Variants in BPI observed in about 807,000 individuals in gnomAD.
BPI encodes bactericidal permeability-increasing protein.
A neutral mutation model predicts 57.6 loss-of-function variants in BPI; 48 were observed. That is an observed-to-expected ratio of 0.83 (90% confidence interval 0.66 to 1.06). The LOEUF (loss-of-function observed/expected upper bound fraction) is 1.06, where lower values mean the gene tolerates loss of function less well. Ranked by LOEUF, BPI falls within the 50% of genes least tolerant of loss-of-function variation. The probability of loss-of-function intolerance (pLI) is 0.00; values close to 1 mark genes in which losing one functional copy is unlikely to be tolerated. For missense variants in BPI, 651 were observed against 609.7 expected (o/e 1.07, Z -0.71); for synonymous variants, 237 against 238.2 (o/e 0.99, Z 0.05).
chr20:38,317,760 A>T, intron 5 of BPI: 1 of 1,298,588 alleles, frequency 7.7e-7, no homozygotes, highest in Non-Finnish European at 1.1e-6. Context: ...GTTCCGTTTT[A>T]CAGATGAAGA....
chr20:38,307,478 C>G, intron 1 of BPI, 89 bp from the exon 2 acceptor site: 1 of 917,548 alleles, frequency 1.1e-6, no homozygotes, highest in African/African-American at 1.7e-5. Flanking sequence ...ATGCTACGAA[C>G]AGGGGCCCAG....
At chr20:38,336,275 G>A (rs942141438) in intron 14 of BPI, among the ~76,000 whole-genome samples, 1 of 151,832 alleles carries the variant, frequency 6.6e-6, no homozygotes, top group Non-Finnish European at 1.5e-5. Flanking sequence ...CCCCTCCCCA[G>A]GCCTCTTCTC....
At chr20:38,308,797 G>A in intron 2 of BPI, 133 bp from the exon 3 acceptor site, 27 of 1,226,326 alleles carry the variant, frequency 2.2e-5, no homozygotes, top group Non-Finnish European at 3.1e-5. Context: ...TCTTAGCTTT[G>A]GGCTCCTCCT....
chr20:38,317,464 G>C (rs2076657567), intron 5 of BPI, among the ~76,000 whole-genome samples: 3 of 152,190 alleles, frequency 2.0e-5, no homozygotes, highest in Non-Finnish European at 4.4e-5. Flanking sequence ...GCCTGGGCTA[G>C]GAAGACTTGA....
At chr20:38,326,013 G>A (rs1182583494) in intron 9 of BPI, among the ~76,000 whole-genome samples, 1 of 152,172 alleles carries the variant, frequency 6.6e-6, no homozygotes, top group Non-Finnish European at 1.5e-5. Flanking sequence ...AAGGATTTTA[G>A]ATGGCAAGAG....
At chr20:38,336,904 G>C (rs1016644038) in intron 14 of BPI, among the ~76,000 whole-genome samples, 2 of 152,100 alleles carry the variant, frequency 1.3e-5, no homozygotes, top group African/African-American at 4.8e-5. Context: ...AAAACAGCCC[G>C]GGGGGTCTCC....
At chr20:38,317,971 A>G in intron 5 of BPI, 1 of 985,370 alleles carries the variant, frequency 1.0e-6, no homozygotes, top group Non-Finnish European at 1.2e-6. Flanking sequence ...ACCTAGACTT[A>G]AGCAGAAACA....
intron 1 of BPI, among the ~76,000 whole-genome samples, chr20:38,305,460 C>A (rs953795740): frequency 6.6e-6 from 1 of 152,206 alleles, no homozygotes; most frequent in African/African-American, 2.4e-5. Flanking sequence ...GGCTCACATT[C>A]TCCATGGCTC....
At chr20:38,316,077 A>G (rs916205858) in intron 5 of BPI, among the ~76,000 whole-genome samples, 3 of 151,596 alleles carry the variant, frequency 2.0e-5, no homozygotes, top group Non-Finnish European at 4.4e-5. Flanking sequence ...CAAGTGATCC[A>G]CCCACCTCGG....
At chr20:38,334,588 A>C (rs540141617) in intron 13 of BPI, 95 bp downstream of exon 13, 2 of 1,243,872 alleles carry the variant, frequency 1.6e-6, no homozygotes, top group Non-Finnish European at 2.4e-6. Context: ...CCCAGGTATG[A>C]GGGCTGGGCA....
intron 1 of BPI, 56 bp from the exon 2 acceptor site, chr20:38,307,509 CCT>C: frequency 7.6e-7 from 1 of 1,323,296 alleles, no homozygotes; most frequent in Non-Finnish European, 1.0e-6. Flanking sequence ...CTGCCCTGCC[CCT>C]CTGTCCCCTG....
At chr20:38,327,100 G>A (rs144285036) in intron 10 of BPI, among the ~76,000 whole-genome samples, 1 of 152,322 alleles carries the variant, frequency 6.6e-6, no homozygotes, top group African/African-American at 2.4e-5. Context: ...CACTGAGGGT[G>A]TGGTTCAGAC....
At chr20:38,310,733 T>A in intron 4 of BPI, 81 bp downstream of exon 4, 1 of 1,528,982 alleles carries the variant, frequency 6.5e-7, no homozygotes, top group Non-Finnish European at 8.9e-7. Context: ...CGAAAACACA[T>A]CCAGAGTGCC....
At position 38,324,048 on chromosome 20, in the gene BPI, T is replaced by G. The variant is rs1210990266; in HGVS notation, c.933+2T>G. The G allele has an allele frequency of 1.2e-6, 2 of 1,613,420 alleles. No individual in the cohort carries two copies. Among genetic ancestry groups the G allele is most frequent in the Admixed American group, 3.3e-5 (2 of 59,994 alleles). ...AAGATGACCCTTAGAGATGACATGG[T>G]AAGGCCGGGCTCTGGGTGGGTGTGG... On this transcript the variant is annotated splice_donor_variant, in intron 8 of 14. Coordinates refer to ENST00000642449, the MANE Select transcript of BPI (RefSeq NM_001725.3). LOFTEE classifies it high-confidence loss of function.
Position 38,304,274 on chromosome 20 carries a change from G to T in BPI, c.51G>T (p.Leu17=), listed in dbSNP as rs1341024. Residue 17 remains leucine, a synonymous_variant, in exon 1 of 15, where the codon CTG becomes CTT. Coordinates refer to ENST00000642449, the MANE Select transcript of BPI (RefSeq NM_001725.3). ...CGAGATGGGCGTCCCTGATGGTGCTGGTCGCCATAGGCACCGCCGTGACAG... is the reference window on the plus strand; with the variant it reads ...CGAGATGGGCGTCCCTGATGGTGCTTGTCGCCATAGGCACCGCCGTGACAG... ...NAPRWASLMV[L]VAIGTAVTAA... 1.4e-5 allele frequency: 22 copies of T among 1,613,840 alleles called. No homozygotes were observed. The highest frequency in any genetic ancestry group is 1.7e-5 in the Non-Finnish European group (20 of 1,179,974).
chr20:38,326,602 T>C, intron 10 of BPI, 170 bp downstream of exon 10: 1 of 707,914 alleles, frequency 1.4e-6, no homozygotes, highest in South Asian at 3.0e-5. Context: ...CTGGAGGTAT[T>C]CATTCACCCA....
At chr20:38,309,143 A>C in intron 3 of BPI, 85 bp downstream of exon 3, 1 of 1,591,428 alleles carries the variant, frequency 6.3e-7, no homozygotes. Flanking sequence ...TGGAATGCCC[A>C]ATTTTTGCCT....
At chr20:38,317,845 G>C in intron 5 of BPI, 1 of 1,494,532 alleles carries the variant, frequency 6.7e-7, no homozygotes, top group Non-Finnish European at 8.9e-7. Flanking sequence ...ATTTTCTCAG[G>C]CTAGTGTTTG....
intron 12 of BPI, 40 bp from the exon 13 acceptor site, chr20:38,334,390 C>T (rs377649637): frequency 5.9e-5 from 93 of 1,579,124 alleles, no homozygotes; most frequent in East Asian, 2.5e-4. Flanking sequence ...AAGGTTCTGG[C>T]GATGCAGGGC....
Sources: allele counts gnomAD v4.1 joint callset (sites outside exome capture counted in the v4.1 genomes callset), GRCh38; gene constraint gnomAD v4.1.1; transcripts MANE v1.5; gene names NCBI Gene and HGNC (gene_info 2026-07-23, HGNC 2026-07-21).